The following WNK2 variants were observed in gnomAD, a reference collection of about 807,000 sequenced individuals.
WNK2 encodes the protein WNK lysine deficient protein kinase 2.
WNK2 carries 67 observed loss-of-function variants against 192.1 expected under a neutral mutation model. That is an observed-to-expected ratio of 0.35 (90% CI 0.29 to 0.43). The LOEUF (loss-of-function observed/expected upper bound fraction) is 0.43, where lower values mean the gene tolerates loss of function less well. Ranked by LOEUF, WNK2 falls within the 20% of genes least tolerant of loss-of-function variation. The probability of loss-of-function intolerance (pLI) is 1.00; values close to 1 mark genes in which losing one functional copy is unlikely to be tolerated. For synonymous variants in WNK2, 1,439 were observed against 1,393.9 expected (o/e 1.03, Z -0.72); for missense variants, 2,698 against 3,089.7 (o/e 0.87, Z 3.01).
intron 29 of WNK2, 131 bp from the exon 30 acceptor site, chr9:93,320,236 G>T: frequency 3.0e-6 from 3 of 989,486 alleles, no homozygotes. Flanking sequence ...CATCTACACA[G>T]GGCGTGGGTC....
At position 93,239,067 on chromosome 9, in the gene WNK2, G is replaced by T. The variant is rs1223964464; in HGVS notation, c.1323-690G>T. On this transcript the variant is annotated intron_variant, in intron 6 of 29. Transcript: ENST00000427277. This position sits in a 1 kb window ranked among gnomAD's most constrained non-coding sequence, Gnocchi z 4.2. ...GTGTGGTTCCATTTATAGGGTAAAGGGGGTTATAGGTTAGTGGTTAGGGAG... is the reference window on the plus strand; with the variant it reads ...GTGTGGTTCCATTTATAGGGTAAAGTGGGTTATAGGTTAGTGGTTAGGGAG... Among the ~76,000 whole-genome samples, 1 of 152,218 alleles carries T rather than the reference G, an allele frequency of 6.6e-6. No individual in the cohort carries two copies. The highest frequency in any genetic ancestry group is 1.9e-4 in the East Asian group (1 of 5,196).
At chr9:93,291,799 G>A (rs1296141855) in intron 21 of WNK2, among the ~76,000 whole-genome samples, 1 of 152,174 alleles carries the variant, frequency 6.6e-6, no homozygotes, top group Admixed American at 6.5e-5. Flanking sequence ...GGCTTTTCTG[G>A]TTGCCTCTTT....
intron 19 of WNK2, chr9:93,269,019 C>T: frequency 3.7e-6 from 5 of 1,356,228 alleles, no homozygotes; most frequent in Non-Finnish European, 4.1e-6. Context: ...TGTTGAAGAG[C>T]TCCGCTGTCC....
At chr9:93,212,979 G>A (rs1835065981) in intron 2 of WNK2, among the ~76,000 whole-genome samples, 2 of 152,188 alleles carry the variant, frequency 1.3e-5, no homozygotes, top group South Asian at 2.1e-4. Flanking sequence ...AGAAGTCCCC[G>A]TGGGCACCAG....
chr9:93,294,155 C>T lies in WNK2; in HGVS notation c.5708+982C>T, dbSNP rs137877900. Among the ~76,000 whole-genome samples, 1,102 of 152,324 alleles carry T rather than the reference C, an allele frequency of 7.2e-3. 11 individuals are homozygous for T. Among genetic ancestry groups the T allele is most frequent in the African/African-American group, 0.025 (1,051 of 41,564 alleles). On this transcript the variant is annotated intron_variant, in intron 23 of 29. Coordinates refer to ENST00000427277, the MANE Select transcript of WNK2 (RefSeq NM_006648.4). ...AATCACAGGCTTATGTGGGAAGAGC[C>T]GTGCACATCTCCTTTCTCTCCTGCG...
intron 9 of WNK2, among the ~76,000 whole-genome samples, chr9:93,255,532 G>A (rs1843157680): frequency 1.3e-5 from 2 of 152,150 alleles, no homozygotes; most frequent in Admixed American, 6.5e-5. Flanking sequence ...CACCCACCGC[G>A]AAAGACAAGT....
chr9:93,208,127 T>C (rs755178942), intron 2 of WNK2, among the ~76,000 whole-genome samples: 4 of 152,240 alleles, frequency 2.6e-5, no homozygotes, highest in Admixed American at 1.3e-4. Flanking sequence ...CAGTTTTGGT[T>C]GGTTTCACTG....
chr9:93,256,564 T>C, intron 10 of WNK2, 110 bp downstream of exon 10: 2 of 1,310,366 alleles, frequency 1.5e-6, no homozygotes, highest in Non-Finnish European at 2.0e-6. Flanking sequence ...GCTCAAATTC[T>C]CTGTGGTTCC....
At chr9:93,316,425 A>C (rs1250768357) in intron 28 of WNK2, 1 of 152,220 alleles carries the variant, frequency 6.6e-6, no homozygotes, top group Non-Finnish European at 1.5e-5. Context: ...GTGTCCGTTT[A>C]CTGGCATCTT....
chr9:93,266,858 G>A (rs1332278045), intron 16 of WNK2, among the ~76,000 whole-genome samples: 1 of 152,240 alleles, frequency 6.6e-6, no homozygotes, highest in Non-Finnish European at 1.5e-5. Flanking sequence ...GCATCTCGGT[G>A]ACTGCAGAGG....
At chr9:93,254,660 G>A (rs1843033625) in intron 9 of WNK2, among the ~76,000 whole-genome samples, 1 of 152,206 alleles carries the variant, frequency 6.6e-6, no homozygotes, top group Non-Finnish European at 1.5e-5. Flanking sequence ...TTAAACAGCA[G>A]AACTCATTTA....
At chr9:93,226,990 C>T (rs1259132502) in intron 2 of WNK2, among the ~76,000 whole-genome samples, 1 of 152,150 alleles carries the variant, frequency 6.6e-6, no homozygotes, top group Non-Finnish European at 1.5e-5. Flanking sequence ...AGGGGAGTGG[C>T]TGGACACAGA....
intron 29 of WNK2, chr9:93,317,893 C>T (rs766042538): frequency 1.3e-5 from 20 of 1,581,506 alleles, no homozygotes; most frequent in African/African-American, 2.7e-5. Flanking sequence ...CGGAACCGCC[C>T]GGAGAAACCA....
At chr9:93,251,111 T>A (rs766867101) in intron 8 of WNK2, among the ~76,000 whole-genome samples, 15 of 151,416 alleles carry the variant, frequency 9.9e-5, no homozygotes, top group African/African-American at 1.5e-4. Context: ...TTTTAATTTT[T>A]AAAAATTTTT....
intron 2 of WNK2, among the ~76,000 whole-genome samples, chr9:93,209,252 C>T (rs142948906): frequency 6.6e-5 from 10 of 152,270 alleles, no homozygotes; most frequent in African/African-American, 2.2e-4. Flanking sequence ...TGGGGCTGTA[C>T]GCCACAGGAC....
chr9:93,296,016 C>T (rs555244572), intron 23 of WNK2, among the ~76,000 whole-genome samples: 2 of 131,100 alleles, frequency 1.5e-5, no homozygotes, highest in South Asian at 5.8e-4. Context: ...CCATTCTCCC[C>T]TCACCTTCCT....
chr9:93,193,507 G>A (rs923490791), intron 2 of WNK2, among the ~76,000 whole-genome samples: 1 of 152,226 alleles, frequency 6.6e-6, no homozygotes. Context: ...CTGTCTCCCC[G>A]CCCGGGAGCT....
intron 5 of WNK2, among the ~76,000 whole-genome samples, chr9:93,236,290 G>C (rs747004864): frequency 2.6e-4 from 40 of 152,236 alleles, no homozygotes; most frequent in Middle Eastern, 3.4e-3. Context: ...GGTGCTCCTC[G>C]ACCCTGGGGG....
chr9:93,289,698 G>T lies in WNK2; in HGVS notation c.4866+78G>T, dbSNP rs1171589949. 2.2e-6 allele frequency: 3 copies of T among 1,370,418 alleles called. No individual in the cohort carries two copies. The East Asian group carries it at 7.6e-5, about 35-fold the overall frequency. The allele number at this position is 1,370,418 out of a possible 1,614,324, so 84.9% of individuals were successfully genotyped here. On this transcript the variant is annotated intron_variant, in intron 20 of 29. Transcript: ENST00000427277. ...CGGGCGCAGGCCCGGGGGTGGGCAG[G>T]CATCTTGGCTATGCAGAGCCGCCCT...
Sources: gnomAD v4.1 joint callset for allele counts (sites outside exome capture counted in the v4.1 genomes callset) on GRCh38, gnomAD v4.1.1 for gene constraint, Gnocchi (gnomAD v3.1) non-coding constraint, MANE v1.5 for transcripts, NCBI Gene and HGNC (gene_info 2026-07-23, HGNC 2026-07-21) for gene names.